ATXN10: variants seen among roughly 807,000 people sequenced by gnomAD.
The protein encoded by ATXN10 is ataxin 10.
ATXN10 carries 28 observed loss-of-function variants against 52.9 expected under a neutral mutation model. That is an observed-to-expected ratio of 0.53 (90% CI 0.39 to 0.73). The LOEUF is 0.73. ATXN10 is among the 30% of genes least tolerant of loss of function. ATXN10 has a pLI of 0.00. For synonymous variants in ATXN10, 226 were observed against 221.5 expected, an observed-to-expected ratio of 1.02 and a Z score of -0.18; for missense variants, 565 against 577.0, an observed-to-expected ratio of 0.98 and a Z score of 0.21.
rs374566139 is a variant in ATXN10, at chr22:45,712,406, T to C, written c.648-6007T>C. On this transcript the variant is annotated intron_variant, in intron 5 of 11. Transcript: ENST00000252934. The surrounding 1 kb of genome is among the most constrained non-coding windows in gnomAD (Gnocchi z 4.6). ...GGAGGGAAACATAGTTTAATTTCTT[T>C]GATTTTTGTTGGAGTTGAATTCTGA... Among the ~76,000 whole-genome samples, 8 of 152,372 alleles carry C rather than the reference T, an allele frequency of 5.3e-5. No individual in the cohort carries two copies. The East Asian group carries it at 1.2e-3, about 22-fold the overall frequency.
chr22:45,729,486 G>A lies in ATXN10; in HGVS notation c.790G>A (p.Asp264Asn), dbSNP rs763121141. Residue 264 changes from aspartate (D) to asparagine (N), a missense_variant, in exon 7 of 12, where the codon GAC (aspartate) becomes AAC (asparagine). Physicochemically the swap from Asp to Asn is conservative, Grantham distance 23. Coordinates refer to ENST00000252934, the MANE Select transcript of ATXN10 (RefSeq NM_013236.4). The stretch of plus-strand genomic sequence containing the variant: ...GAGTGATGAGCCACTCACCAAGGAT[G>A]ACATCCCTGTGTTTTTGCGGCATGC... Reference protein sequence around the residue: ...ITSDEPLTKDDIPVFLRHAEL... With the variant: ...ITSDEPLTKDNIPVFLRHAEL... The A allele has an allele frequency of 6.2e-7, 1 of 1,614,162 alleles. No homozygotes were observed. Among genetic ancestry groups the A allele is most frequent in the Non-Finnish European group, 8.5e-7 (1 of 1,180,020 alleles).
chr22:45,830,076 T>A (rs1365542094), intron 10 of ATXN10, among the ~76,000 whole-genome samples: 3 of 152,294 alleles, frequency 2.0e-5, no homozygotes, highest in South Asian at 4.1e-4. Flanking sequence ...ACAAATGTAG[T>A]CAAATGATTG....
At chr22:45,778,854 A>G (rs755704084) in intron 9 of ATXN10, among the ~76,000 whole-genome samples, 2 of 151,734 alleles carry the variant, frequency 1.3e-5, no homozygotes, top group Non-Finnish European at 2.9e-5. Context: ...TTCAATTTTG[A>G]TAATTAATTA....
intron 5 of ATXN10, among the ~76,000 whole-genome samples, chr22:45,704,320 A>C (rs756696795): frequency 3.9e-5 from 6 of 151,918 alleles, no homozygotes; most frequent in Non-Finnish European, 8.8e-5. Context: ...TAAAAAAAAA[A>C]AACAGCTGGA....
intron 9 of ATXN10, among the ~76,000 whole-genome samples, chr22:45,773,817 C>A (rs1926858413): frequency 6.6e-6 from 1 of 151,888 alleles, no homozygotes; most frequent in African/African-American, 2.4e-5. Flanking sequence ...AAAAACAAAA[C>A]CACAGAAAGA....
intron 1 of ATXN10, among the ~76,000 whole-genome samples, chr22:45,686,814 A>G (rs962159210): frequency 1.2e-4 from 9 of 76,572 alleles, no homozygotes; most frequent in Admixed American, 1.1e-3. Flanking sequence ...GCAAGACTCC[A>G]TCTCAAAAAA....
At chr22:45,749,384 G>A (rs953615266) in intron 9 of ATXN10, among the ~76,000 whole-genome samples, 1 of 152,024 alleles carries the variant, frequency 6.6e-6, no homozygotes. Context: ...TGCTTCCACC[G>A]TCACCACAAA....
chr22:45,822,076 C>T (rs993902348), intron 10 of ATXN10, among the ~76,000 whole-genome samples: 7 of 152,290 alleles, frequency 4.6e-5, no homozygotes, highest in African/African-American at 1.4e-4. Context: ...TTCATATAAA[C>T]GGAATCATAG....
In ATXN10 at chr22:45,776,496, C is replaced by T. The variant is rs183779512; in HGVS notation, c.1174-30463C>T. 4.6e-5 allele frequency among the ~76,000 whole-genome samples: 7 copies of T among 151,626 alleles called. No homozygotes were observed. The East Asian group carries it at 1.2e-3, about 25-fold the overall frequency. ...TGAAGTTTTTCATATAATTTGCACT[C>T]CCTGATACCTTTTTTTTTTTTTAAT... On this transcript the variant is annotated intron_variant, in intron 9 of 11. Transcript: ENST00000252934.
intron 6 of ATXN10, among the ~76,000 whole-genome samples, chr22:45,726,324 G>A (rs1179841326): frequency 2.6e-5 from 4 of 152,016 alleles, no homozygotes; most frequent in Non-Finnish European, 5.9e-5. Context: ...TTTTGTTATT[G>A]ATTCAATCTC....
intron 7 of ATXN10, among the ~76,000 whole-genome samples, chr22:45,737,195 T>C (rs1925330584): frequency 6.6e-6 from 1 of 152,254 alleles, no homozygotes; most frequent in South Asian, 2.1e-4. Flanking sequence ...AATGTGCCAC[T>C]GCTGGCCGGT....
At chr22:45,689,516 T>C in intron 1 of ATXN10, 196 bp from the exon 2 acceptor site, 1 of 606,526 alleles carries the variant, frequency 1.6e-6, no homozygotes, top group South Asian at 2.0e-5. Context: ...ACATGAGAAG[T>C]GACAAGAACA....
chr22:45,733,650 G>T lies in ATXN10; in HGVS notation c.894+4060G>T, dbSNP rs1345579081. 2.0e-5 allele frequency among the ~76,000 whole-genome samples: 3 copies of T among 151,890 alleles called. No individual in the cohort carries two copies. The highest frequency in any genetic ancestry group is 4.4e-5 in the Non-Finnish European group (3 of 67,956). On this transcript the variant is annotated intron_variant, in intron 7 of 11. Coordinates refer to ENST00000252934, the MANE Select transcript of ATXN10 (RefSeq NM_013236.4). This position sits in a 1 kb window ranked among gnomAD's most constrained non-coding sequence, Gnocchi z 4.4. ...ACTCGGGAGGCTGTCCCAGCTACTCGGGAGGCGGAGGCAGAGAATCACGTG... is the reference window on the plus strand; with the variant it reads ...ACTCGGGAGGCTGTCCCAGCTACTCTGGAGGCGGAGGCAGAGAATCACGTG...
At position 45,694,898 on chromosome 22, in the gene ATXN10, G is replaced by A. The variant is rs540042987; in HGVS notation, c.391+1820G>A. On this transcript the variant is annotated intron_variant, in intron 3 of 11. Transcript: ENST00000252934. Reference sequence around the variant, plus strand: ...GGAAGTTGCAGTGAGCTGAGATCACGCCGCTGCACTCCAGCCTGGGTGACA... The same window carrying A: ...GGAAGTTGCAGTGAGCTGAGATCACACCGCTGCACTCCAGCCTGGGTGACA... Among the ~76,000 whole-genome samples the A allele has an allele frequency of 1.8e-3, 231 of 128,546 alleles. 2 individuals are homozygous for A. The highest frequency in any genetic ancestry group is 6.4e-3 in the African/African-American group (208 of 32,262). The allele number at this position is 128,546 out of a possible 152,430, so 84.3% of individuals were successfully genotyped here.
At chr22:45,722,883 T>A (rs1924712764) in intron 6 of ATXN10, among the ~76,000 whole-genome samples, 1 of 152,102 alleles carries the variant, frequency 6.6e-6, no homozygotes, top group Non-Finnish European at 1.5e-5. Flanking sequence ...TCTTTCTCAT[T>A]TCTCCACATC....
intron 5 of ATXN10, among the ~76,000 whole-genome samples, chr22:45,713,104 A>C (rs542891448): frequency 6.7e-6 from 1 of 150,280 alleles, no homozygotes; most frequent in East Asian, 2.0e-4. Flanking sequence ...TTTCCCTGAA[A>C]CCCCCCGTCT....
rs1718348442 is a variant in ATXN10, at chr22:45,775,474, T to C, written c.1174-31485T>C. Among the ~76,000 whole-genome samples, 1 of 152,238 alleles carries C rather than the reference T, an allele frequency of 6.6e-6. No homozygotes were observed. The highest frequency in any genetic ancestry group is 1.5e-5 in the Non-Finnish European group (1 of 68,036). On this transcript the variant is annotated intron_variant, in intron 9 of 11. Coordinates refer to ENST00000252934, the MANE Select transcript of ATXN10 (RefSeq NM_013236.4). This position sits in a 1 kb window ranked among gnomAD's most constrained non-coding sequence, Gnocchi z 4.7. ...CCATATTTAGTTGTCTTTATTCTGT[T>C]CAAACATTTTCTTGTTTACTTGTTG...
At chr22:45,793,739 C>T in intron 9 of ATXN10, 1 of 1,439,698 alleles carries the variant, frequency 6.9e-7, no homozygotes, top group Non-Finnish European at 9.2e-7. Flanking sequence ...GGAGCTCTTG[C>T]CACCCCCGAT....
intron 3 of ATXN10, among the ~76,000 whole-genome samples, chr22:45,695,584 G>A (rs111701137): frequency 1.3e-5 from 2 of 149,136 alleles, no homozygotes; most frequent in East Asian, 2.0e-4. Flanking sequence ...CCGCCTTCCC[G>A]CCGGGTTCAA....
Sources: gnomAD v4.1 joint callset for allele counts (sites outside exome capture counted in the v4.1 genomes callset) on GRCh38, gnomAD v4.1.1 for gene constraint, Gnocchi (gnomAD v3.1) non-coding constraint, MANE v1.5 for transcripts, NCBI Gene and HGNC (gene_info 2026-07-23, HGNC 2026-07-21) for gene names.